MYO7B: variants seen among roughly 807,000 people sequenced by gnomAD.
The protein encoded by MYO7B is myosin VIIB.
In MYO7B, 212 loss-of-function variants were observed where a neutral mutation model predicts 259.7. That is an observed-to-expected ratio of 0.82 (90% CI 0.73 to 0.91). The LOEUF is 0.91. MYO7B is among the 40% of genes least tolerant of loss of function. MYO7B has a pLI of 0.00. For missense variants in MYO7B, 2,732 were observed against 2,813.5 expected, an observed-to-expected ratio of 0.97 and a Z score of 0.66; for synonymous variants, 1,197 against 1,166.4, an observed-to-expected ratio of 1.03 and a Z score of -0.54.
rs746972907 is a variant in MYO7B at position 127,627,011 on chromosome 2, G to T, written c.4252G>T (p.Val1418Leu). Residue 1418 changes from valine to leucine, a missense_variant, in exon 32 of 48, where the codon GTG (valine) becomes TTG (leucine). Physicochemically the swap from Val to Leu is conservative, Grantham distance 32 (BLOSUM62 1). Coordinates refer to ENST00000409816, the MANE Select transcript of MYO7B (RefSeq NM_001393586.1). The surrounding 1 kb of genome is among the most constrained non-coding windows in gnomAD (Gnocchi z 5.6). ...TCAGAAGCAAGTCACACCACTGGCC[G>T]TGCGAGAGCAGGTGGTGGACGCCGC... is the stretch of plus-strand genomic sequence containing the variant. ...YTQKQVTPLA[V>L]REQVVDAARL... The T allele has an allele frequency of 8.7e-6, 14 of 1,611,432 alleles. No individual in the cohort carries two copies. In the Middle Eastern group the frequency reaches 5.0e-4, roughly 57 times the overall value.
chr2:127,604,335 C>T (rs1680081913), intron 19 of MYO7B, among the ~76,000 whole-genome samples: 1 of 152,242 alleles, frequency 6.6e-6, no homozygotes, highest in Non-Finnish European at 1.5e-5. Flanking sequence ...AGCTTCCTCA[C>T]CTCTCTCAGC....
intron 9 of MYO7B, among the ~76,000 whole-genome samples, chr2:127,580,343 G>A (rs1416251518): frequency 6.6e-6 from 1 of 152,156 alleles, no homozygotes; most frequent in Non-Finnish European, 1.5e-5. Context: ...TTTGCTTCCT[G>A]TGACTGAATA....
intron 7 of MYO7B, among the ~76,000 whole-genome samples, chr2:127,575,495 T>G (rs199753244): frequency 6.6e-6 from 1 of 151,260 alleles, no homozygotes; most frequent in Non-Finnish European, 1.5e-5. Flanking sequence ...TCCATGTCAA[T>G]GTAAAGGATC....
chr2:127,637,345 A>G lies in MYO7B; in HGVS notation c.6357A>G (p.Ser2119=). ...ATAAGATGGATGACCTGCTGACCTCATATGTGCAGCAGCTCCTGAGTGCCA... is the reference window on the plus strand; with the variant it reads ...ATAAGATGGATGACCTGCTGACCTCGTATGTGCAGCAGCTCCTGAGTGCCA... ...LGYKMDDLLT[S]YVQQLLSAMN... is the part of the protein sequence containing the mutation. Residue 2119 remains serine (S), a synonymous_variant, in exon 48 of 48, where the codon TCA becomes TCG. Transcript: ENST00000409816. 3.1e-6 allele frequency: 5 copies of G among 1,595,028 alleles called. No homozygotes were observed. The highest frequency in any genetic ancestry group is 4.3e-6 in the Non-Finnish European group (5 of 1,170,978).
rs1381004313 is a variant in MYO7B at position 127,627,919 on chromosome 2, C to T, written c.4461-453C>T. ...ACAGTGGCCACCACTCCCCACTGGC[C>T]ACCTCTCACTGAGGCTGACCATGCT... On this transcript the variant is annotated intron_variant, in intron 33 of 47. Coordinates refer to ENST00000409816, the MANE Select transcript of MYO7B (RefSeq NM_001393586.1). This position sits in a 1 kb window ranked among gnomAD's most constrained non-coding sequence, Gnocchi z 5.6. 4.3e-6 allele frequency: 2 copies of T among 460,014 alleles called. No homozygotes were observed. The highest frequency in any genetic ancestry group is 1.5e-5 in the South Asian group (1 of 64,608). 28.5% of individuals were successfully genotyped at this position (460,014 alleles called of 1,614,324 possible).
chr2:127,608,646 C>A, intron 21 of MYO7B, 62 bp from the exon 22 acceptor site: 8 of 1,536,062 alleles, frequency 5.2e-6, no homozygotes, highest in Non-Finnish European at 7.0e-6. Context: ...GTGGGGTAGG[C>A]AGGGCTGGGC....
intron 26 of MYO7B, among the ~76,000 whole-genome samples, chr2:127,618,463 TTAC>T (rs1369666576): frequency 6.6e-6 from 1 of 152,168 alleles, no homozygotes; most frequent in Non-Finnish European, 1.5e-5. Flanking sequence ...GTTCATATTA[TTAC>T]TAACAGGCTT....
Position 127,590,962 on chromosome 2 carries a change from G to A in MYO7B, c.1992+733G>A, listed in dbSNP as rs1679535098. ...TAATCCCAGCACTTTGGGAGGCTGA[G>A]GCGGGAGGATTGCTTGAGGCAAGCC... is the stretch of plus-strand genomic sequence containing the variant. On this transcript the variant is annotated intron_variant, in intron 16 of 47. Coordinates refer to ENST00000409816, the MANE Select transcript of MYO7B (RefSeq NM_001393586.1). The surrounding 1 kb of genome is among the most constrained non-coding windows in gnomAD (Gnocchi z 4.6). 6.6e-6 allele frequency among the ~76,000 whole-genome samples: 1 copy of A among 152,264 alleles called. No individual in the cohort carries two copies. Among genetic ancestry groups the A allele is most frequent in the Non-Finnish European group, 1.5e-5 (1 of 68,050 alleles).
chr2:127,569,727 TGA>T, intron 5 of MYO7B, 60 bp from the exon 6 acceptor site: 1 of 1,559,254 alleles, frequency 6.4e-7, no homozygotes, highest in Non-Finnish European at 8.7e-7. Flanking sequence ...GCAGGAGAGT[TGA>T]GAGGTGTTGA....
intron 42 of MYO7B, 68 bp downstream of exon 42, chr2:127,634,751 T>G (rs1300142774): frequency 7.3e-7 from 1 of 1,363,126 alleles, no homozygotes; most frequent in African/African-American, 1.4e-5. Context: ...TGGCGGCCTC[T>G]GTGCGGCCCA....
At chr2:127,557,428 C>T (rs558904787) in intron 1 of MYO7B, among the ~76,000 whole-genome samples, 3 of 152,110 alleles carry the variant, frequency 2.0e-5, no homozygotes, top group Admixed American at 6.6e-5. Context: ...TTGGTTTGGA[C>T]CCATTGCTGG....
intron 15 of MYO7B, 46 bp downstream of exon 15, chr2:127,588,601 CAGGGCCAGACAGACA>C (rs1163023507): frequency 1.2e-6 from 2 of 1,605,718 alleles, no homozygotes; most frequent in South Asian, 1.1e-5. Context: ...CTGATGGCTA[CAGGGCCAGACAGACA>C]TGTACAGGAA....
At chr2:127,572,097 T>C (rs929388908) in intron 6 of MYO7B, among the ~76,000 whole-genome samples, 4 of 152,212 alleles carry the variant, frequency 2.6e-5, no homozygotes, top group African/African-American at 9.6e-5. Flanking sequence ...CCGATATTTT[T>C]CTATGGTGCA....
Position 127,634,618 on chromosome 2 carries a change from A to T in MYO7B, c.5648A>T (p.Asp1883Val). ...CAGGTCATCAGCCAGAAGGAGGGAG[A>T]CTTCTTCTTTGATTCCTTGAGGGAG... Reference protein sequence around the residue: ...SDKVISQKEGDFFFDSLREVS... With the variant: ...SDKVISQKEGVFFFDSLREVS... The change falls in exon 42 of 48, where the codon GAC becomes GTC. Residue 1883 changes from aspartate to valine, a missense_variant. Physicochemically the swap from Asp to Val is radical, Grantham distance 152 (BLOSUM62 -3). This residue lies in a region of MYO7B where 821 missense variants were observed against 769.3 expected (regional missense o/e 1.07). Transcript: ENST00000409816. 6.2e-7 allele frequency: 1 copy of T among 1,612,722 alleles called. No individual in the cohort carries two copies. The highest frequency in any genetic ancestry group is 8.5e-7 in the Non-Finnish European group (1 of 1,179,420).
rs769054146 is a variant in MYO7B, at chr2:127,584,791, C to T, written c.1568C>T (p.Thr523Ile). Residue 523 changes from threonine (T) to isoleucine (I), a missense_variant, in exon 14 of 48, where the codon ACC (threonine) becomes ATC (isoleucine). Physicochemically the swap from Thr to Ile is moderately conservative, Grantham distance 89. Transcript: ENST00000409816. The surrounding 1 kb of genome is among the most constrained non-coding windows in gnomAD (Gnocchi z 5.8). Reference protein sequence around the residue: ...ESRFPQGTDLTMLQKLNSVHA... With the variant: ...ESRFPQGTDLIMLQKLNSVHA... ...GGGTTCTTCCAGGGGACAGATCTCA[C>T]CATGCTGCAAAAGCTGAACAGCGTC... 2 of 1,613,936 alleles carry T rather than the reference C, an allele frequency of 1.2e-6. No individual in the cohort carries two copies. The highest frequency in any genetic ancestry group is 4.5e-5 in the East Asian group (2 of 44,882).
chr2:127,545,015 G>A (rs1558790446), intron 1 of MYO7B, among the ~76,000 whole-genome samples: 3 of 152,138 alleles, frequency 2.0e-5, no homozygotes, highest in Non-Finnish European at 2.9e-5. Context: ...GTGAGCCACC[G>A]CACCCGGCCC....
intron 1 of MYO7B, among the ~76,000 whole-genome samples, chr2:127,540,566 G>A (rs758532883): frequency 2.0e-5 from 3 of 152,220 alleles, no homozygotes; most frequent in Non-Finnish European, 4.4e-5. Flanking sequence ...CATAGTGGTT[G>A]TGCTAGTCTA....
chr2:127,620,183 C>G, intron 26 of MYO7B, 157 bp from the exon 27 acceptor site: 1 of 799,756 alleles, frequency 1.3e-6, no homozygotes, highest in Non-Finnish European at 2.0e-6. Flanking sequence ...GTGGCACTGT[C>G]CTGAGAGAGG....
At position 127,587,005 on chromosome 2, in the gene MYO7B, G is replaced by A. The variant is rs116395364; in HGVS notation, c.1691-1387G>A. ...CTCACAGACACCTGCAGGAAGAGGT[G>A]GGAAACAGACTCCCTTCCCTCTCCC... On this transcript the variant is annotated intron_variant, in intron 14 of 47. Coordinates refer to ENST00000409816, the MANE Select transcript of MYO7B (RefSeq NM_001393586.1). Among the ~76,000 whole-genome samples, 241 of 152,214 alleles carry A rather than the reference G, an allele frequency of 1.6e-3. 1 individual carries two copies. The highest frequency in any genetic ancestry group is 5.7e-3 in the African/African-American group (238 of 41,560).
Sources: gnomAD v4.1 joint callset for allele counts (sites outside exome capture counted in the v4.1 genomes callset) on GRCh38, gnomAD v4.1.1 for gene constraint, gnomAD v4.1.1 regional missense constraint, Gnocchi (gnomAD v3.1) non-coding constraint, MANE v1.5 for transcripts, NCBI Gene and HGNC (gene_info 2026-07-23, HGNC 2026-07-21) for gene names.